The following ZNF717 variants were observed in gnomAD, a reference collection of about 807,000 sequenced individuals.
ZNF717 encodes zinc finger protein 717, also known as krueppel-like factor X17.
Under a neutral mutation model 13.8 loss-of-function variants are expected in ZNF717, and 9 were observed. The observed-to-expected ratio is 0.65, with a 90% CI of 0.39 to 1.14. ZNF717 has a LOEUF of 1.14. ZNF717 is among the 50% of genes most tolerant of loss of function. The pLI, the probability that ZNF717 is intolerant of heterozygous loss-of-function variation, is 0.01. For synonymous variants in ZNF717, 327 were observed against 364.1 expected, an observed-to-expected ratio of 0.90 and a Z score of 1.16; for missense variants, 1,040 against 1,080.7, an observed-to-expected ratio of 0.96 and a Z score of 0.53.
At chr3:75,735,603 C>G (rs1195432215), downstream of ZNF717, among the ~76,000 whole-genome samples, 1,413 of 97,108 alleles carry the variant, frequency 0.015, no homozygotes, top group African/African-American at 0.057. Context: ...CATGATCACA[C>G]CACTGCACTC....
chr3:75,713,821 C>A (rs111523090), intron 5 of ZNF717, among the ~76,000 whole-genome samples: 1 of 151,836 alleles, frequency 6.6e-6, no homozygotes, highest in African/African-American at 2.4e-5. Context: ...CAAGTAGTGG[C>A]CCCAAAGGCC....
At chr3:75,762,881 A>G (rs577501226) in intron 2 of ZNF717, among the ~76,000 whole-genome samples, 13 of 152,326 alleles carry the variant, frequency 8.5e-5, no homozygotes, top group African/African-American at 2.9e-4. Context: ...TACCTCATAA[A>G]CCAATCCTGG....
chr3:75,751,566 T>C (rs1285720352), intron 2 of ZNF717, among the ~76,000 whole-genome samples: 7 of 143,890 alleles, frequency 4.9e-5, no homozygotes, highest in Non-Finnish European at 7.7e-5. Flanking sequence ...GTCCCTCACA[T>C]AGGACACCAG....
At chr3:75,775,710 G>A (rs535131520) in intron 2 of ZNF717, among the ~76,000 whole-genome samples, 16 of 152,114 alleles carry the variant, frequency 1.1e-4, no homozygotes, top group Admixed American at 2.6e-4. Context: ...AAAATTAGCC[G>A]GGTGTGGTGG....
At chr3:75,752,184 GAATCCAGAACACT>G (rs1209834690) in intron 2 of ZNF717, among the ~76,000 whole-genome samples, 2 of 151,650 alleles carry the variant, frequency 1.3e-5, no homozygotes, top group East Asian at 3.9e-4. Flanking sequence ...CCTCACATAG[GAATCCAGAACACT>G]GCTACGAGGG....
chr3:75,719,007 A>G (rs1938118250), intron 4 of ZNF717, among the ~76,000 whole-genome samples: 1 of 152,198 alleles, frequency 6.6e-6, no homozygotes, highest in African/African-American at 2.4e-5. Context: ...AGAAAAGAAT[A>G]TTAAGGCCAG....
downstream of ZNF717, among the ~76,000 whole-genome samples, chr3:75,735,398 G>A (rs35296611): frequency 0.011 from 1,520 of 143,900 alleles, no homozygotes; most frequent in Admixed American, 0.019. Context: ...TGCCAAGGTA[G>A]AAAGATGGCT....
chr3:75,728,946 C>T, downstream of ZNF717, among the ~76,000 whole-genome samples: 1 of 148,220 alleles, frequency 6.7e-6, no homozygotes, highest in Admixed American at 6.8e-5. Context: ...CAGACTGCTA[C>T]AGTCATCCAT....
chr3:75,747,931 T>C (rs1941330375), intron 2 of ZNF717, among the ~76,000 whole-genome samples: 1 of 151,974 alleles, frequency 6.6e-6, no homozygotes, highest in Non-Finnish European at 1.5e-5. Flanking sequence ...ATCAACAAAA[T>C]TGATAGACCA....
intron 4 of ZNF717, among the ~76,000 whole-genome samples, chr3:75,718,240 T>TAAC (rs1385961666): frequency 6.6e-6 from 1 of 152,110 alleles, no homozygotes; most frequent in African/African-American, 2.4e-5. Context: ...CCAAGTGGGT[T>TAAC]CTAGCTGCAG....
downstream of ZNF717, among the ~76,000 whole-genome samples, chr3:75,731,692 C>A (rs1255288852): frequency 1.3e-5 from 2 of 152,178 alleles, no homozygotes; most frequent in African/African-American, 4.8e-5. Context: ...GCAGGAGGAT[C>A]CCTTGAGTCC....
chr3:75,773,546 G>C (rs182426789), intron 2 of ZNF717, among the ~76,000 whole-genome samples: 12 of 152,296 alleles, frequency 7.9e-5, no homozygotes, highest in African/African-American at 2.6e-4. Context: ...TGGGTGCCAA[G>C]CAAAGTGGCT....
intron 1 of ZNF717, chr3:75,784,831 G>C (rs1028259154): frequency 2.6e-5 from 4 of 151,618 alleles, no homozygotes; most frequent in Non-Finnish European, 5.9e-5. Context: ...GGTTAGACCA[G>C]AGGGCTGTTC....
At chr3:75,719,719 G>A (rs1359494424) in intron 4 of ZNF717, among the ~76,000 whole-genome samples, 2 of 152,114 alleles carry the variant, frequency 1.3e-5, no homozygotes, top group Admixed American at 6.5e-5. Context: ...CACTTTGGGA[G>A]GCTGAGGCAG....
intron 2 of ZNF717, among the ~76,000 whole-genome samples, chr3:75,761,638 A>G (rs539850648): frequency 2.6e-4 from 39 of 152,402 alleles, no homozygotes; most frequent in African/African-American, 9.4e-4. Context: ...GAAATTCCAC[A>G]AAATACTGGT....
intron 2 of ZNF717, among the ~76,000 whole-genome samples, chr3:75,755,129 C>T (rs1053876625): frequency 2.6e-5 from 4 of 152,152 alleles, no homozygotes; most frequent in African/African-American, 7.2e-5. Flanking sequence ...AGAATTAAGG[C>T]CTTCCTCAGA....
intron 2 of ZNF717, among the ~76,000 whole-genome samples, chr3:75,749,698 T>C (rs1575820950): frequency 6.7e-6 from 1 of 150,328 alleles, no homozygotes; most frequent in Admixed American, 6.6e-5. Context: ...TCCCCTCACT[T>C]AGGATTCCAG....
At position 75,737,820 on chromosome 3, in the gene ZNF717, G is replaced by C. The variant is rs1285017706; in HGVS notation, c.1803C>G (p.Ile601Met). The change falls in exon 5 of 5, where the codon ATC becomes ATG. Residue 601 changes from isoleucine to methionine, a missense_variant. Coordinates refer to ENST00000652011, the MANE Select transcript of ZNF717 (RefSeq NM_001290208.3). ...YECNECEKTF[I>M]NKLNLGIHKR... ...TGTGTATCCCAAGGTTTAACTTATT[G>C]ATAAAGGTTTTCTCACATTCATTAC... 7.1e-6 allele frequency: 11 copies of C among 1,551,020 alleles called. No individual in the cohort carries two copies. The highest frequency in any genetic ancestry group is 9.6e-6 in the Non-Finnish European group (11 of 1,146,634).
Position 75,738,186 on chromosome 3 carries a change from A to G in ZNF717, c.1437T>C (p.Tyr479=). The G allele has an allele frequency of 1.3e-6, 2 of 1,573,790 alleles. No individual in the cohort carries two copies. The highest frequency in any genetic ancestry group is 2.4e-5 in the East Asian group (1 of 42,160). The part of the protein sequence containing the change: ...HQRTHTGEKP[Y]ECNECGKTFH... ...ACGTTTTCCCACATTCATTGCATTC[A>G]TAGGGTTTTTCCCCTGTGTGAGTTC... Residue 479 remains tyrosine (Y), a synonymous_variant, in exon 5 of 5, where the codon TAT becomes TAC. Coordinates refer to ENST00000652011, the MANE Select transcript of ZNF717 (RefSeq NM_001290208.3).
Sources: allele counts gnomAD v4.1 joint callset (sites outside exome capture counted in the v4.1 genomes callset), GRCh38; gene constraint gnomAD v4.1.1; transcripts MANE v1.5; gene names NCBI Gene and HGNC (gene_info 2026-07-23, HGNC 2026-07-21).